Variants in IGSF11 observed in about 807,000 individuals in gnomAD.
The protein encoded by IGSF11 is immunoglobulin superfamily member 11.
In IGSF11, 22 loss-of-function variants were observed where a neutral mutation model predicts 41.0. That is an observed-to-expected ratio of 0.54 (90% CI 0.38 to 0.77). The LOEUF is 0.77. IGSF11 is among the 30% of genes least tolerant of loss of function. IGSF11 has a pLI of 0.00. For missense variants in IGSF11, 444 were observed against 530.8 expected (o/e 0.84, Z 1.61); for synonymous variants, 219 against 201.3 (o/e 1.09, Z -0.74).
rs561769470 is a variant in IGSF11, at chr3:118,959,844, G to A, written c.53-29569C>T. ...GGGCAGATCACGAGGTCAGGAGATC[G>A]AGACCATCCTGGCTAAAATGGTGAA... is the stretch of plus-strand genomic sequence containing the variant. On this transcript the variant is annotated intron_variant, in intron 1 of 6. Transcript: ENST00000393775. 7.2e-4 allele frequency among the ~76,000 whole-genome samples: 109 copies of A among 152,054 alleles called. 1 individual carries two copies. Among genetic ancestry groups the A allele is most frequent in the African/African-American group, 2.6e-3 (106 of 41,512 alleles).
At chr3:118,922,002 A>G (rs1408285596) in intron 4 of IGSF11, among the ~76,000 whole-genome samples, 1 of 152,054 alleles carries the variant, frequency 6.6e-6, no homozygotes, top group East Asian at 1.9e-4. Flanking sequence ...ATGATACTAA[A>G]ATTGAACCAG....
intron 1 of IGSF11, among the ~76,000 whole-genome samples, chr3:119,046,849 C>T (rs1320750895): frequency 4.7e-5 from 7 of 149,026 alleles, no homozygotes; most frequent in Admixed American, 2.0e-4. Context: ...ATTCAACATT[C>T]TTAAAGAAAA....
intron 1 of IGSF11, among the ~76,000 whole-genome samples, chr3:119,028,640 C>A (rs1234056476): frequency 1.3e-5 from 2 of 151,432 alleles, no homozygotes; most frequent in Non-Finnish European, 2.9e-5. Flanking sequence ...AGCTAAAAAT[C>A]AATTTCAAAA....
At chr3:119,007,801 A>G (rs1937608522) in intron 1 of IGSF11, among the ~76,000 whole-genome samples, 1 of 152,140 alleles carries the variant, frequency 6.6e-6, no homozygotes, top group South Asian at 2.1e-4. Context: ...AGATCTTCTG[A>G]TATTTTGAAG....
chr3:118,925,890 C>T (rs1021354114), intron 4 of IGSF11: 2 of 317,680 alleles, frequency 6.3e-6, no homozygotes, highest in African/African-American at 4.3e-5. Context: ...TATATAGTTA[C>T]CACTGGATGA....
intron 1 of IGSF11, among the ~76,000 whole-genome samples, chr3:118,968,789 ATTTGAAAAAT>A (rs1456458785): frequency 2.0e-5 from 3 of 152,368 alleles, no homozygotes; most frequent in Non-Finnish European, 4.4e-5. Context: ...TTTAAGTGAC[ATTTGAAAAAT>A]TAACACCATC....
Position 119,087,592 on chromosome 3 carries a change from G to C in IGSF11, c.49+17552C>G, listed in dbSNP as rs189181418. On this transcript the variant is annotated intron_variant, in intron 1 of 6. Coordinates refer to the IGSF11 transcript ENST00000354673. ...AAGCTATGAGGACGCAAATGTGTAA[G>C]AATGATACCCTGGACTTTGGGGACT... Among the ~76,000 whole-genome samples the C allele has an allele frequency of 1.3e-3, 191 of 152,172 alleles. 3 individuals are homozygous for C. Among genetic ancestry groups the C allele is most frequent in the Admixed American group, 5.9e-4 (9 of 15,266 alleles).
At chr3:119,043,051 A>G (rs1486790096) in intron 1 of IGSF11, among the ~76,000 whole-genome samples, 2 of 152,164 alleles carry the variant, frequency 1.3e-5, no homozygotes, top group Non-Finnish European at 2.9e-5. Context: ...CTCTATTAGA[A>G]GCTGTGGGTC....
intron 1 of IGSF11, among the ~76,000 whole-genome samples, chr3:118,936,469 T>C (rs1225834487): frequency 2.0e-5 from 3 of 148,874 alleles, no homozygotes; most frequent in Non-Finnish European, 1.5e-5. Context: ...ATTGCACTAC[T>C]GCAATCCAAC....
At position 119,098,788 on chromosome 3, in the gene IGSF11, A is replaced by C. The variant is rs547017269; in HGVS notation, c.49+6356T>G. ...CCAAAGCATTTTTAGCTGTTGCCTG[A>C]GTCAATTATGAATCTTTGCTGCTCT... On this transcript the variant is annotated intron_variant, in intron 1 of 6. Coordinates refer to the IGSF11 transcript ENST00000354673. Among the ~76,000 whole-genome samples, 5 of 152,354 alleles carry C rather than the reference A, an allele frequency of 3.3e-5. No individual in the cohort carries two copies. The South Asian group carries it at 1.0e-3, about 32-fold the overall frequency.
At chr3:119,078,818 C>G (rs529082944) in intron 1 of IGSF11, among the ~76,000 whole-genome samples, 1 of 152,090 alleles carries the variant, frequency 6.6e-6, no homozygotes, top group Non-Finnish European at 1.5e-5. Flanking sequence ...AACTATGCAT[C>G]CTACAATGGT....
intron 1 of IGSF11, among the ~76,000 whole-genome samples, chr3:118,934,427 T>A (rs1943089146): frequency 6.6e-6 from 1 of 152,206 alleles, no homozygotes. Context: ...GTTTTACCCT[T>A]TTCCACATGG....
At chr3:119,104,636 T>C (rs559964547) in intron 1 of IGSF11, among the ~76,000 whole-genome samples, 1 of 152,302 alleles carries the variant, frequency 6.6e-6, no homozygotes, top group South Asian at 2.1e-4. Flanking sequence ...CTTTAAAAGG[T>C]TATGAAACTT....
chr3:119,118,123 G>A (rs1402304742), intron 1 of IGSF11, among the ~76,000 whole-genome samples: 3 of 152,320 alleles, frequency 2.0e-5, no homozygotes, highest in South Asian at 2.1e-4. Context: ...GGGGTCTGGA[G>A]GATGGTGGCC....
chr3:119,135,529 G>A (rs1421803920), intron 1 of IGSF11, among the ~76,000 whole-genome samples: 1 of 152,186 alleles, frequency 6.6e-6, no homozygotes, highest in African/African-American at 2.4e-5. Flanking sequence ...TCTCACGCAG[G>A]TTAGAATGGT....
chr3:118,915,079 G>A (rs1251746742), intron 4 of IGSF11, among the ~76,000 whole-genome samples: 7 of 120,296 alleles, frequency 5.8e-5, no homozygotes, highest in South Asian at 3.5e-4. Flanking sequence ...CAAACAGAAA[G>A]GACATCCACA....
At chr3:118,987,451 A>G (rs1412089963) in intron 1 of IGSF11, among the ~76,000 whole-genome samples, 1 of 152,234 alleles carries the variant, frequency 6.6e-6, no homozygotes, top group Non-Finnish European at 1.5e-5. Flanking sequence ...GGACTAAACC[A>G]AGTCCAAAGC....
At chr3:118,966,488 T>C (rs1416636249) in intron 1 of IGSF11, among the ~76,000 whole-genome samples, 6 of 152,196 alleles carry the variant, frequency 3.9e-5, no homozygotes, top group African/African-American at 1.4e-4. Flanking sequence ...ATCAGAAAAG[T>C]ATGGTAAGTT....
intron 1 of IGSF11, among the ~76,000 whole-genome samples, chr3:118,938,661 AG>A (rs1195568064): frequency 6.6e-6 from 1 of 152,228 alleles, no homozygotes; most frequent in African/African-American, 2.4e-5. Flanking sequence ...TTTATGACAT[AG>A]GATCTTATTT....
Sources: gnomAD v4.1 joint callset for allele counts (sites outside exome capture counted in the v4.1 genomes callset) on GRCh38, gnomAD v4.1.1 for gene constraint, MANE v1.5 for transcripts, NCBI Gene and HGNC (gene_info 2026-07-23, HGNC 2026-07-21) for gene names.